Variants in MACROD2 observed in about 807,000 individuals in gnomAD.
The protein encoded by MACROD2 is ADP-ribose glycohydrolase MACROD2.
In MACROD2, 36 loss-of-function variants were observed where a neutral mutation model predicts 70.4. The ratio of observed to expected loss-of-function variants is 0.51; its 90% CI spans 0.39 to 0.68. The LOEUF (loss-of-function observed/expected upper bound fraction) is 0.68, where lower values mean the gene tolerates loss of function less well. Ranked by LOEUF, MACROD2 falls within the 30% of genes least tolerant of loss-of-function variation. The probability of loss-of-function intolerance (pLI) is 0.00; values close to 1 mark genes in which losing one functional copy is unlikely to be tolerated. For missense variants in MACROD2, 496 were observed against 538.4 expected (o/e 0.92, Z 0.78); for synonymous variants, 172 against 178.8 (o/e 0.96, Z 0.30).
At chr20:14,665,137 A>G (rs1250512279) in intron 4 of MACROD2, among the ~76,000 whole-genome samples, 1 of 152,136 alleles carries the variant, frequency 6.6e-6, no homozygotes, top group Non-Finnish European at 1.5e-5. Context: ...TAAAGGCTGT[A>G]TCTTCTTTCT....
chr20:14,301,507 A>G (rs2082474977), intron 3 of MACROD2, among the ~76,000 whole-genome samples: 1 of 152,186 alleles, frequency 6.6e-6, no homozygotes, highest in Non-Finnish European at 1.5e-5. Flanking sequence ...TTTCATGTCT[A>G]TGAACCACTG....
At chr20:14,655,083 G>T (rs1023652776) in intron 4 of MACROD2, among the ~76,000 whole-genome samples, 1 of 151,968 alleles carries the variant, frequency 6.6e-6, no homozygotes, top group African/African-American at 2.4e-5. Flanking sequence ...GTTGCCCTCA[G>T]CAATATCCAG....
intron 5 of MACROD2, among the ~76,000 whole-genome samples, chr20:14,957,543 C>T (rs909157891): frequency 2.6e-5 from 4 of 152,112 alleles, no homozygotes; most frequent in South Asian, 2.1e-4. Context: ...GGCAAAATAG[C>T]AGCTCTAATC....
chr20:15,076,051 C>T (rs2075655345), intron 5 of MACROD2, among the ~76,000 whole-genome samples: 1 of 152,076 alleles, frequency 6.6e-6, no homozygotes, highest in Non-Finnish European at 1.5e-5. Flanking sequence ...ACCTTATAAT[C>T]AAGGTTTATG....
At chr20:14,768,001 G>T (rs2072114315) in intron 5 of MACROD2, among the ~76,000 whole-genome samples, 1 of 152,040 alleles carries the variant, frequency 6.6e-6, no homozygotes, top group African/African-American at 2.4e-5. Flanking sequence ...GTATTCCATG[G>T]TGTATATGTG....
chr20:15,816,811 T>A (rs1340879076), intron 8 of MACROD2, among the ~76,000 whole-genome samples: 1 of 152,228 alleles, frequency 6.6e-6, no homozygotes, highest in Non-Finnish European at 1.5e-5. Flanking sequence ...ATGGCCTTGC[T>A]GGAGAAAGAG....
At chr20:14,859,816 G>A (rs1445535365) in intron 5 of MACROD2, among the ~76,000 whole-genome samples, 2 of 152,060 alleles carry the variant, frequency 1.3e-5, no homozygotes, top group Non-Finnish European at 1.5e-5. Flanking sequence ...ATGGTCTGTG[G>A]TTTGCAATAA....
chr20:14,101,012 T>G (rs1372793769), intron 3 of MACROD2, among the ~76,000 whole-genome samples: 1 of 151,110 alleles, frequency 6.6e-6, no homozygotes, highest in Non-Finnish European at 1.5e-5. Context: ...CCCCTGATAT[T>G]TGTCAGTACA....
At chr20:14,397,891 A>G (rs1283532995) in intron 3 of MACROD2, among the ~76,000 whole-genome samples, 2 of 152,296 alleles carry the variant, frequency 1.3e-5, no homozygotes, top group African/African-American at 4.8e-5. Flanking sequence ...CCTCCCTGCT[A>G]CATTTCCCAG....
In MACROD2 at chr20:14,553,023, T is replaced by C. The variant is rs540236422; in HGVS notation, c.301+59515T>C. On this transcript the variant is annotated intron_variant, in intron 4 of 17. Coordinates refer to ENST00000684519, the MANE Select transcript of MACROD2 (RefSeq NM_001351661.2). The stretch of plus-strand genomic sequence containing the variant: ...CCAATAATAAATTAACTATAGCTTA[T>C]TGTAACTTTTTTATGTTATATACTT... Among the ~76,000 whole-genome samples, 15 of 152,234 alleles carry C rather than the reference T, an allele frequency of 9.9e-5. 1 individual carries two copies. The East Asian group carries it at 2.5e-3, about 25-fold the overall frequency.
intron 5 of MACROD2, among the ~76,000 whole-genome samples, chr20:15,028,350 G>A (rs1400784519): frequency 1.3e-5 from 2 of 152,184 alleles, no homozygotes; most frequent in Admixed American, 1.3e-4. Context: ...AATGCACAGG[G>A]CCCAGAGTGG....
At chr20:15,893,716 G>A (rs746586114) in intron 10 of MACROD2, 3 of 456,672 alleles carry the variant, frequency 6.6e-6, no homozygotes, top group Non-Finnish European at 1.3e-5. Context: ...ATTTTAAAGG[G>A]AGCATATTTA....
intron 8 of MACROD2, among the ~76,000 whole-genome samples, chr20:15,646,787 C>T (rs774321255): frequency 9.2e-5 from 14 of 152,194 alleles, no homozygotes; most frequent in Admixed American, 6.5e-4. Context: ...GCTTCTCCTT[C>T]GCCGTCCACC....
chr20:14,451,683 G>A (rs970142975), intron 3 of MACROD2, among the ~76,000 whole-genome samples: 1 of 152,154 alleles, frequency 6.6e-6, no homozygotes, highest in Non-Finnish European at 1.5e-5. Context: ...CAAGGCAGTG[G>A]CTGGAGGCCA....
chr20:15,283,170 G>T (rs2077461051), intron 6 of MACROD2, among the ~76,000 whole-genome samples: 1 of 152,038 alleles, frequency 6.6e-6, no homozygotes, highest in African/African-American at 2.4e-5. Flanking sequence ...GGGATTATGG[G>T]GATTACATTT....
In MACROD2 at chr20:15,862,923, C is replaced by G. The variant is rs147155138; in HGVS notation, c.727+97C>G. ...TTGTTTTTCATCTTCAGGACTGTTA[C>G]ACATGGTGATCCTGCCAACTTGTAT... On this transcript the variant is annotated intron_variant, in intron 9 of 17. Coordinates refer to ENST00000684519, the MANE Select transcript of MACROD2 (RefSeq NM_001351661.2). 735 of 874,984 alleles carry G rather than the reference C, an allele frequency of 8.4e-4. 11 individuals carry two copies. In the East Asian group the frequency reaches 0.018, roughly 21 times the overall value. The allele number at this position is 874,984 out of a possible 1,614,324, so 54.2% of individuals were successfully genotyped here.
At chr20:15,630,202 G>C (rs1380867843) in intron 8 of MACROD2, among the ~76,000 whole-genome samples, 2 of 152,172 alleles carry the variant, frequency 1.3e-5, no homozygotes, top group African/African-American at 4.8e-5. Context: ...GACATATAGT[G>C]ATCTTCAGAG....
rs146237258 is a variant in MACROD2 at position 15,753,497 on chromosome 20, T to C, written c.646-109248T>C. 3.3e-3 allele frequency among the ~76,000 whole-genome samples: 500 copies of C among 152,366 alleles called. 5 individuals are homozygous for C. The highest frequency in any genetic ancestry group is 0.01 in the African/African-American group (431 of 41,582). On this transcript the variant is annotated intron_variant, in intron 8 of 17. Transcript: ENST00000684519. ...TTCCATGGTGTATATGTACCACATT[T>C]TCTTTATCCAATCCACTGTTGATGG... is the stretch of plus-strand genomic sequence containing the variant.
At chr20:15,888,145 A>G (rs1035387454) in intron 10 of MACROD2, among the ~76,000 whole-genome samples, 16 of 152,228 alleles carry the variant, frequency 1.1e-4, no homozygotes, top group African/African-American at 3.6e-4. Flanking sequence ...AAACCCTTCT[A>G]TGTTTACTTC....
Sources: gnomAD v4.1 joint callset for allele counts (sites outside exome capture counted in the v4.1 genomes callset) on GRCh38, gnomAD v4.1.1 for gene constraint, MANE v1.5 for transcripts, NCBI Gene and HGNC (gene_info 2026-07-23, HGNC 2026-07-21) for gene names.